ANO4: variants seen among roughly 807,000 people sequenced by gnomAD.
The protein encoded by ANO4 is anoctamin-4.
In ANO4, 69 loss-of-function variants were observed where a neutral mutation model predicts 141.9. The ratio of observed to expected loss-of-function variants is 0.49; its 90% CI spans 0.40 to 0.59. The LOEUF (loss-of-function observed/expected upper bound fraction) is 0.59. Among genes scored for constraint, ANO4 ranks in the 20% least tolerant of loss-of-function variants. ANO4 has a pLI of 0.00. For missense variants in ANO4, 894 were observed against 1,162.2 expected (o/e 0.77, Z 3.36); for synonymous variants, 350 against 394.3 (o/e 0.89, Z 1.33).
At position 100,775,862 on chromosome 12, in the gene ANO4, T is replaced by C. The variant is rs200983115; in HGVS notation, c.358+35757T>C. Among the ~76,000 whole-genome samples the C allele has an allele frequency of 2.9e-4, 44 of 152,184 alleles. No individual in the cohort carries two copies. In the East Asian group the frequency reaches 8.5e-3, roughly 29 times the overall value. On this transcript the variant is annotated intron_variant, in intron 3 of 29. Transcript: ENST00000644049. Reference sequence around the variant, plus strand: ...GTTTTTTAAGAAAAAAAAAACCTAGTGGCTTTCCCCCAGCTGTTGTGTTTT... The same window carrying C: ...GTTTTTTAAGAAAAAAAAAACCTAGCGGCTTTCCCCCAGCTGTTGTGTTTT...
chr12:101,013,223 A>ATGAT (rs1346706646), intron 8 of ANO4, among the ~76,000 whole-genome samples: 1 of 152,162 alleles, frequency 6.6e-6, no homozygotes, highest in African/African-American at 2.4e-5. Context: ...CTTAGACATC[A>ATGAT]AGCGAGATGT....
At chr12:100,731,697 T>C (rs1171302240) in intron 1 of ANO4, among the ~76,000 whole-genome samples, 1 of 152,226 alleles carries the variant, frequency 6.6e-6, no homozygotes, top group Non-Finnish European at 1.5e-5. Context: ...CTTTTTATTG[T>C]CTCCATAGTT....
chr12:101,048,376 C>G lies in ANO4; in HGVS notation c.1287C>G (p.Phe429Leu), dbSNP rs748547193. 3.1e-6 allele frequency: 5 copies of G among 1,613,686 alleles called. No individual in the cohort carries two copies. The highest frequency in any genetic ancestry group is 3.3e-5 in the Admixed American group (2 of 60,008). The change falls in exon 14 of 28, where the codon TTC becomes TTG. Residue 429 changes from phenylalanine (F) to leucine (L), a missense_variant. Physicochemically the swap from Phe to Leu is conservative, Grantham distance 22 (BLOSUM62 0). Transcript: ENST00000392977. ...TTTTTGACAATGGAGCCACTGTCTT[C>G]TTTGCTGTTTTCATGGCAGTCTGGG... ...THLFDNGATV[F>L]FAVFMAVWAT...
At chr12:100,865,255 A>T (rs757768496) in intron 1 of ANO4, among the ~76,000 whole-genome samples, 1 of 152,184 alleles carries the variant, frequency 6.6e-6, no homozygotes, top group Non-Finnish European at 1.5e-5. Context: ...CCAACAGTGT[A>T]AAAGTGTCTA....
chr12:100,900,622 A>G (rs2040552110), intron 1 of ANO4, among the ~76,000 whole-genome samples: 1 of 152,196 alleles, frequency 6.6e-6, no homozygotes, highest in Non-Finnish European at 1.5e-5. Context: ...ACGGAATACT[A>G]TGCAGCCATA....
intron 1 of ANO4, among the ~76,000 whole-genome samples, chr12:100,855,837 C>G (rs1195969514): frequency 1.3e-5 from 2 of 152,028 alleles, no homozygotes; most frequent in Non-Finnish European, 2.9e-5. Context: ...GGCATAGTGA[C>G]AAATAGGACC....
chr12:100,814,399 A>G (rs1056280829), intron 1 of ANO4, among the ~76,000 whole-genome samples: 4 of 152,118 alleles, frequency 2.6e-5, no homozygotes, highest in Non-Finnish European at 4.4e-5. Context: ...TTTTTCTAAT[A>G]TTTAAGGGGC....
intron 17 of ANO4, among the ~76,000 whole-genome samples, chr12:101,092,477 GA>G (rs2049817211): frequency 6.6e-6 from 1 of 152,146 alleles, no homozygotes; most frequent in Non-Finnish European, 1.5e-5. Context: ...CGTCTAATGA[GA>G]AATCAGACAT....
At chr12:100,958,394 T>C (rs75262322) in intron 5 of ANO4, among the ~76,000 whole-genome samples, 13,077 of 152,202 alleles carry the variant, frequency 0.086, 804 homozygotes, top group African/African-American at 0.15. Context: ...AAAATTTCAA[T>C]CATTAAAAAA....
chr12:100,913,203 T>C (rs942154872), intron 2 of ANO4, among the ~76,000 whole-genome samples: 19 of 152,192 alleles, frequency 1.2e-4, no homozygotes, highest in Non-Finnish European at 1.9e-4. Context: ...GGGAATTTTC[T>C]GAAAAATCAT....
chr12:100,829,353 G>A lies in ANO4; in HGVS notation c.-141+34326G>A, dbSNP rs539702213. On this transcript the variant is annotated intron_variant, in intron 1 of 27. Coordinates refer to ENST00000392977, the MANE Select transcript of ANO4 (RefSeq NM_001286615.2). ...ATAAAGTTATTGTGAAGATTCCTGG[G>A]AAATATGTATATACATATTTAATAA... 2.5e-4 allele frequency among the ~76,000 whole-genome samples: 38 copies of A among 152,082 alleles called. 1 individual carries two copies. In the East Asian group the frequency reaches 6.2e-3, roughly 25 times the overall value.
At chr12:101,021,881 T>TA (rs912522196) in intron 9 of ANO4, among the ~76,000 whole-genome samples, 1 of 151,974 alleles carries the variant, frequency 6.6e-6, no homozygotes, top group Non-Finnish European at 1.5e-5. Context: ...TGTAAAAAAT[T>TA]AAAAAAATAA....
At chr12:100,835,169 G>C (rs562259204) in intron 1 of ANO4, among the ~76,000 whole-genome samples, 6 of 152,296 alleles carry the variant, frequency 3.9e-5, no homozygotes, top group South Asian at 2.1e-4. Context: ...CCAGGCAGGA[G>C]GATGGGCCTG....
intron 17 of ANO4, among the ~76,000 whole-genome samples, chr12:101,091,463 C>G: frequency 6.6e-6 from 1 of 152,132 alleles, no homozygotes; most frequent in African/African-American, 2.4e-5. Flanking sequence ...ATGGTTTCAT[C>G]AGAACATCTT....
rs528080937 is a variant in ANO4 at position 100,982,636 on chromosome 12, T to A, written c.603-4903T>A. Among the ~76,000 whole-genome samples the A allele has an allele frequency of 3.3e-5, 5 of 152,356 alleles. No homozygotes were observed. The South Asian group carries it at 8.3e-4, about 25-fold the overall frequency. ...GCATTGTGTAAGCACTTGATATCCA[T>A]GATCATGTTTAATCCTTACCATTGC... On this transcript the variant is annotated intron_variant, in intron 7 of 27. Coordinates refer to ENST00000392977, the MANE Select transcript of ANO4 (RefSeq NM_001286615.2).
intron 3 of ANO4, among the ~76,000 whole-genome samples, chr12:100,767,361 G>T (rs1012841140): frequency 6.6e-6 from 1 of 152,004 alleles, no homozygotes; most frequent in Non-Finnish European, 1.5e-5. Context: ...TTTCATGTGT[G>T]TAGTAGATAC....
intron 1 of ANO4, among the ~76,000 whole-genome samples, chr12:100,724,035 A>C (rs11110496): frequency 0.19 from 29,084 of 152,208 alleles, 3,156 homozygotes; most frequent in Non-Finnish European, 0.25. Context: ...AAACAAAAAA[A>C]CAAAAAAACC....
Position 100,777,762 on chromosome 12 carries a change from C to T in ANO4, c.358+37657C>T, listed in dbSNP as rs1265440801. ...GCATTTATAAAGACTATTTTACAACCTTTTACTCATATTAATATTTTCTAT... is the reference window on the plus strand; with the variant it reads ...GCATTTATAAAGACTATTTTACAACTTTTTACTCATATTAATATTTTCTAT... On this transcript the variant is annotated intron_variant, in intron 3 of 29. Transcript: ENST00000644049. 2.6e-5 allele frequency among the ~76,000 whole-genome samples: 4 copies of T among 152,050 alleles called. No individual in the cohort carries two copies. In the East Asian group the frequency reaches 7.7e-4, roughly 29 times the overall value.
intron 1 of ANO4, among the ~76,000 whole-genome samples, chr12:100,879,862 A>G (rs1190391123): frequency 3.9e-5 from 6 of 152,330 alleles, no homozygotes; most frequent in South Asian, 2.1e-4. Flanking sequence ...AATGGGATAC[A>G]GGTTATAATA....
Sources: gnomAD v4.1 joint callset for allele counts (sites outside exome capture counted in the v4.1 genomes callset) on GRCh38, gnomAD v4.1.1 for gene constraint, MANE v1.5 for transcripts, NCBI Gene and HGNC (gene_info 2026-07-23, HGNC 2026-07-21) for gene names.